The following RAB2A variants were observed in gnomAD, a reference collection of about 807,000 sequenced individuals.
RAB2A encodes ras-related protein Rab-2A.
RAB2A carries 7 observed loss-of-function variants against 32.5 expected under a neutral mutation model. The observed-to-expected ratio is 0.22, with a 90% CI of 0.12 to 0.40. The LOEUF (loss-of-function observed/expected upper bound fraction) is 0.40, where lower values mean the gene tolerates loss of function less well. RAB2A is among the 10% of genes least tolerant of loss of function. The pLI, the probability that RAB2A is intolerant of heterozygous loss-of-function variation, is 1.00. For missense variants in RAB2A, 108 were observed against 260.7 expected, an observed-to-expected ratio of 0.41 and a Z score of 4.03; for synonymous variants, 79 against 85.2, an observed-to-expected ratio of 0.93 and a Z score of 0.40.
In RAB2A at chr8:60,622,613, T is replaced by G. The variant is rs1804547185; in HGVS notation, c.*1844T>G. Reference sequence around the variant, plus strand: ...CTTTGGAAATTGTTATTTTTAAGCTTCTGTTAATTTTTCCAGAAGTTTAGT... The same window carrying G: ...CTTTGGAAATTGTTATTTTTAAGCTGCTGTTAATTTTTCCAGAAGTTTAGT... On this transcript the variant is annotated 3_prime_UTR_variant, in exon 8 of 8. Coordinates refer to ENST00000262646, the MANE Select transcript of RAB2A (RefSeq NM_002865.3). The G allele has an allele frequency of 6.6e-6, 1 of 152,332 alleles. No individual in the cohort carries two copies. Among genetic ancestry groups the G allele is most frequent in the South Asian group, 2.1e-4 (1 of 4,834 alleles). 9.4% of individuals were successfully genotyped at this position (152,332 alleles called of 1,614,324 possible).
intron 3 of RAB2A, among the ~76,000 whole-genome samples, chr8:60,582,349 T>C (rs1295772960): frequency 6.6e-6 from 1 of 152,212 alleles, no homozygotes; most frequent in African/African-American, 2.4e-5. Flanking sequence ...CTGCCAAAAT[T>C]GCCTACCCAA....
chr8:60,597,374 A>G (rs1456031726), intron 6 of RAB2A, among the ~76,000 whole-genome samples: 1 of 152,194 alleles, frequency 6.6e-6, no homozygotes, highest in African/African-American at 2.4e-5. Flanking sequence ...GTTCTCACTC[A>G]TAAGTGGGAG....
intron 6 of RAB2A, among the ~76,000 whole-genome samples, chr8:60,595,709 G>A (rs888583664): frequency 1.4e-4 from 22 of 152,144 alleles, no homozygotes; most frequent in Non-Finnish European, 2.9e-5. Context: ...GCGTGTACCA[G>A]ATATGTGAAG....
chr8:60,558,598 T>C lies in RAB2A; in HGVS notation c.47-254T>C. The stretch of plus-strand genomic sequence containing the variant: ...CCTGGTTAGTTGTCATCTGTGAGTT[T>C]AGCTGCCATATTTATCTTTCACATT... On this transcript the variant is annotated intron_variant, in intron 1 of 7. Transcript: ENST00000262646. The C allele has an allele frequency of 5.8e-6, 3 of 518,048 alleles. No homozygotes were observed. The African/African-American group carries it at 5.8e-5, about 10-fold the overall frequency. 32.1% of individuals were successfully genotyped at this position (518,048 alleles called of 1,614,324 possible).
intron 1 of RAB2A, among the ~76,000 whole-genome samples, chr8:60,547,826 G>T (rs1485706747): frequency 8.1e-6 from 1 of 123,664 alleles, no homozygotes; most frequent in Non-Finnish European, 1.7e-5. Context: ...TGGCCGGGCG[G>T]GGGGCTGACC....
intron 1 of RAB2A, among the ~76,000 whole-genome samples, chr8:60,530,315 T>C (rs1174632834): frequency 6.6e-6 from 1 of 151,942 alleles, no homozygotes; most frequent in East Asian, 1.9e-4. Flanking sequence ...CTGGCTACTT[T>C]TTGTGTTTTT....
chr8:60,608,306 T>C lies in RAB2A; in HGVS notation c.475-10274T>C, dbSNP rs144691688. Among the ~76,000 whole-genome samples the C allele has an allele frequency of 1.6e-3, 241 of 152,166 alleles. 8 individuals carry two copies. In the East Asian group the frequency reaches 0.04, roughly 25 times the overall value. ...TGTATAGGCGCCCAAAAAGCAAGAATTATACCTTTTTTTTTCTGCTTTTCT... is the reference window on the plus strand; with the variant it reads ...TGTATAGGCGCCCAAAAAGCAAGAACTATACCTTTTTTTTTCTGCTTTTCT... On this transcript the variant is annotated intron_variant, in intron 6 of 7. Transcript: ENST00000262646.
chr8:60,604,867 G>A (rs1804198954), intron 6 of RAB2A, among the ~76,000 whole-genome samples: 1 of 152,218 alleles, frequency 6.6e-6, no homozygotes, highest in South Asian at 2.1e-4. Context: ...TGGCCATGTG[G>A]TAGAAAAGAA....
At chr8:60,528,799 T>A (rs1490166293) in intron 1 of RAB2A, among the ~76,000 whole-genome samples, 6 of 152,166 alleles carry the variant, frequency 3.9e-5, no homozygotes, top group Non-Finnish European at 8.8e-5. Context: ...TCTGTCAAAC[T>A]CCTGGCCTCA....
chr8:60,589,574 G>A (rs1319581940), intron 5 of RAB2A, among the ~76,000 whole-genome samples: 1 of 152,086 alleles, frequency 6.6e-6, no homozygotes, highest in Non-Finnish European at 1.5e-5. Context: ...TTTAAAAAAT[G>A]AAAGTTTTTT....
intron 3 of RAB2A, among the ~76,000 whole-genome samples, chr8:60,576,918 G>A (rs1221931072): frequency 1.3e-5 from 2 of 152,158 alleles, no homozygotes; most frequent in Non-Finnish European, 2.9e-5. Flanking sequence ...AACAACTACA[G>A]GGACAGGAAA....
At chr8:60,530,738 A>G (rs957166455) in intron 1 of RAB2A, among the ~76,000 whole-genome samples, 2 of 152,068 alleles carry the variant, frequency 1.3e-5, no homozygotes, top group South Asian at 2.1e-4. Context: ...GTTTATTTCT[A>G]CTATCAAGTA....
intron 3 of RAB2A, among the ~76,000 whole-genome samples, chr8:60,578,785 A>G (rs1392086879): frequency 6.6e-6 from 1 of 152,238 alleles, no homozygotes; most frequent in Non-Finnish European, 1.5e-5. Context: ...ACTCAGATGC[A>G]TGGGAAAGCC....
intron 6 of RAB2A, among the ~76,000 whole-genome samples, chr8:60,598,967 GAAAA>G (rs58383779): frequency 0.012 from 466 of 39,008 alleles, 15 homozygotes; most frequent in African/African-American, 0.034. Flanking sequence ...AAAAAAAAAA[GAAAA>G]GGCATACAAC....
At chr8:60,599,548 A>T (rs1009687362) in intron 6 of RAB2A, among the ~76,000 whole-genome samples, 1 of 152,234 alleles carries the variant, frequency 6.6e-6, no homozygotes, top group East Asian at 1.9e-4. Context: ...TTAGCCAGTC[A>T]TCAGGACTGC....
At chr8:60,540,524 G>A (rs1807624377) in intron 1 of RAB2A, among the ~76,000 whole-genome samples, 1 of 152,116 alleles carries the variant, frequency 6.6e-6, no homozygotes, top group Non-Finnish European at 1.5e-5. Context: ...CCGTCGCTCA[G>A]GCTGAAGTGC....
intron 1 of RAB2A, among the ~76,000 whole-genome samples, chr8:60,537,590 T>G (rs1807577391): frequency 6.6e-6 from 1 of 152,232 alleles, no homozygotes; most frequent in Non-Finnish European, 1.5e-5. Context: ...TAGTTATGGC[T>G]TACTGTCTAA....
At chr8:60,620,576 T>G in intron 7 of RAB2A, 98 bp from the exon 8 acceptor site, 5 of 875,988 alleles carry the variant, frequency 5.7e-6, no homozygotes, top group Non-Finnish European at 9.2e-6. Context: ...CTCAGTTGTT[T>G]GATAAAATTG....
intron 3 of RAB2A, among the ~76,000 whole-genome samples, chr8:60,583,134 G>C (rs1212303262): frequency 6.6e-6 from 1 of 152,020 alleles, no homozygotes; most frequent in Non-Finnish European, 1.5e-5. Context: ...AATATGAGCC[G>C]TCCATGCGCA....
Sources: gnomAD v4.1 joint callset for allele counts (sites outside exome capture counted in the v4.1 genomes callset) on GRCh38, gnomAD v4.1.1 for gene constraint, MANE v1.5 for transcripts, NCBI Gene and HGNC (gene_info 2026-07-23, HGNC 2026-07-21) for gene names.